The following MAST4 variants were observed in gnomAD, a reference collection of about 807,000 sequenced individuals.
MAST4 encodes microtubule-associated serine/threonine-protein kinase 4.
In MAST4, 89 loss-of-function variants were observed where a neutral mutation model predicts 162.7. That is an observed-to-expected ratio of 0.55 (90% CI 0.46 to 0.65). The LOEUF is 0.65. Ranked by LOEUF, MAST4 falls within the 30% of genes least tolerant of loss-of-function variation. The probability of loss-of-function intolerance (pLI) is 0.00; values close to 1 mark genes in which losing one functional copy is unlikely to be tolerated. For missense variants in MAST4, 3,153 were observed against 3,374.0 expected (o/e 0.93, Z 1.62); for synonymous variants, 1,479 against 1,361.1 (o/e 1.09, Z -1.91).
chr5:66,847,875 T>G lies in MAST4; in HGVS notation c.643-52076T>G, dbSNP rs115673281. 2.7e-3 allele frequency among the ~76,000 whole-genome samples: 366 copies of G among 136,468 alleles called. 4 individuals are homozygous for G. Among genetic ancestry groups the G allele is most frequent in the African/African-American group, 9.7e-3 (350 of 36,044 alleles). 89.5% of individuals were successfully genotyped at this position (136,468 alleles called of 152,430 possible). On this transcript the variant is annotated intron_variant, in intron 3 of 28. Transcript: ENST00000403625. ...CCTTAACAGTAGCTCAAAGCTACAC[T>G]GGGTGTATGAAGAAAGATTGTTTTA...
chr5:66,975,892 G>A (rs1416805619), intron 4 of MAST4, among the ~76,000 whole-genome samples: 2 of 152,090 alleles, frequency 1.3e-5, no homozygotes, highest in Non-Finnish European at 2.9e-5. Flanking sequence ...CTACTCAGGA[G>A]ACTGAGGCAT....
chr5:67,009,379 C>T (rs751881982), intron 4 of MAST4, among the ~76,000 whole-genome samples: 4 of 152,166 alleles, frequency 2.6e-5, no homozygotes, highest in Non-Finnish European at 5.9e-5. Context: ...GTTCCAGGAA[C>T]TAGACATGGC....
At chr5:67,129,420 G>C (rs1412275008) in intron 14 of MAST4, among the ~76,000 whole-genome samples, 1 of 152,068 alleles carries the variant, frequency 6.6e-6, no homozygotes, top group East Asian at 1.9e-4. Flanking sequence ...GTATCATTTA[G>C]AAAATTATTG....
intron 3 of MAST4, among the ~76,000 whole-genome samples, chr5:66,839,738 T>C (rs140874075): frequency 6.6e-6 from 1 of 152,274 alleles, no homozygotes; most frequent in South Asian, 2.1e-4. Flanking sequence ...ATGAGGTTGG[T>C]GTACTGTATT....
At chr5:66,717,882 C>T (rs999513561) in intron 1 of MAST4, among the ~76,000 whole-genome samples, 1 of 152,176 alleles carries the variant, frequency 6.6e-6, no homozygotes, top group South Asian at 2.1e-4. Context: ...TTAGGCATAG[C>T]CCTGCTCACT....
At chr5:67,031,440 C>A (rs535802382) in intron 4 of MAST4, among the ~76,000 whole-genome samples, 2 of 151,364 alleles carry the variant, frequency 1.3e-5, no homozygotes, top group South Asian at 4.3e-4. Flanking sequence ...TTGGCTGGGC[C>A]CTGTTATCAT....
At chr5:66,910,851 G>C (rs988921973) in intron 4 of MAST4, among the ~76,000 whole-genome samples, 1 of 149,204 alleles carries the variant, frequency 6.7e-6, no homozygotes, top group African/African-American at 2.5e-5. Context: ...CCCTTCAGGC[G>C]ATTCTCCTGC....
intron 3 of MAST4, among the ~76,000 whole-genome samples, chr5:66,862,439 C>T (rs911702224): frequency 1.3e-5 from 2 of 152,146 alleles, no homozygotes; most frequent in African/African-American, 4.8e-5. Flanking sequence ...TCAGTAATTA[C>T]AGCCATAAAC....
chr5:66,616,535 C>G (rs546489569), intron 1 of MAST4, among the ~76,000 whole-genome samples: 2 of 152,282 alleles, frequency 1.3e-5, no homozygotes, highest in African/African-American at 4.8e-5. Flanking sequence ...AGGGCCTTCT[C>G]AGAGTGCTGG....
chr5:66,749,301 A>T (rs920756461), intron 1 of MAST4, among the ~76,000 whole-genome samples: 7 of 152,090 alleles, frequency 4.6e-5, no homozygotes, highest in Non-Finnish European at 8.8e-5. Context: ...GTTCCTGGCA[A>T]TTCCCACTGG....
Position 66,784,244 on chromosome 5 carries a change from T to C in MAST4, c.518-4426T>C, listed in dbSNP as rs569233232. Among the ~76,000 whole-genome samples, 12 of 152,276 alleles carry C rather than the reference T, an allele frequency of 7.9e-5. 1 individual carries two copies. Among genetic ancestry groups the C allele is most frequent in the African/African-American group, 2.9e-4 (12 of 41,554 alleles). ...TGAGGGAATGTGCTCCTGGCCAGTT[T>C]GCCATGCAAGAATACAAAACACATT... On this transcript the variant is annotated intron_variant, in intron 2 of 28. Transcript: ENST00000403625.
intron 23 of MAST4, among the ~76,000 whole-genome samples, chr5:67,147,148 A>T (rs1771198524): frequency 6.6e-6 from 1 of 152,088 alleles, no homozygotes. Flanking sequence ...TGATTAATAG[A>T]TTCACACCAT....
intron 2 of MAST4, among the ~76,000 whole-genome samples, chr5:66,777,316 A>G (rs1035045508): frequency 1.3e-5 from 2 of 152,166 alleles, no homozygotes; most frequent in African/African-American, 4.8e-5. Context: ...TTAACAGTGA[A>G]AAGTAGAGTG....
rs1053578597 is a variant in MAST4 at position 66,717,218 on chromosome 5, G to A, written c.364-42491G>A. Among the ~76,000 whole-genome samples the A allele has an allele frequency of 9.2e-5, 14 of 152,178 alleles. No homozygotes were observed. The East Asian group carries it at 2.7e-3, about 29-fold the overall frequency. On this transcript the variant is annotated intron_variant, in intron 1 of 28. Coordinates refer to ENST00000403625, the MANE Select transcript of MAST4 (RefSeq NM_001164664.2). ...CTACCCTATACTCTGTGGCTTGGAG[G>A]TGGAGAGGAGGGATTCATTCCTGGC...
chr5:66,986,295 A>G (rs1749485502), intron 4 of MAST4: 3 of 483,830 alleles, frequency 6.2e-6, no homozygotes, highest in Non-Finnish European at 1.1e-5. Flanking sequence ...AGAGTCTGGA[A>G]AGGGAAACTG....
intron 1 of MAST4, among the ~76,000 whole-genome samples, chr5:66,619,111 T>C (rs984460242): frequency 6.6e-6 from 1 of 152,190 alleles, no homozygotes; most frequent in Non-Finnish European, 1.5e-5. Flanking sequence ...TTTTTGGTCA[T>C]TTGTTAGTGC....
At position 67,123,681 on chromosome 5, in the gene MAST4, C is replaced by T. The variant is rs1275100652; in HGVS notation, c.1745+2579C>T. 7.9e-5 allele frequency among the ~76,000 whole-genome samples: 12 copies of T among 152,278 alleles called. No individual in the cohort carries two copies. The East Asian group carries it at 1.5e-3, about 20-fold the overall frequency. The stretch of plus-strand genomic sequence containing the variant: ...TCCTACCTCTTCCAGTGAACACTTC[C>T]ACCAGGATCTTTAAGTCATAACTTC... On this transcript the variant is annotated intron_variant, in intron 14 of 28. Transcript: ENST00000403625.
At chr5:67,136,495 G>A (rs1473322255) in intron 18 of MAST4, 68 bp from the exon 19 acceptor site, 1 of 1,168,472 alleles carries the variant, frequency 8.6e-7, no homozygotes, top group Admixed American at 2.0e-5. Flanking sequence ...CCCAGGTGAT[G>A]TCCATGTTGC....
chr5:66,859,811 A>T (rs941152952), intron 3 of MAST4, among the ~76,000 whole-genome samples: 2 of 152,200 alleles, frequency 1.3e-5, no homozygotes, highest in African/African-American at 4.8e-5. Flanking sequence ...GGCAGAAGAG[A>T]GTGCCGTGCT....
Sources: allele counts gnomAD v4.1 joint callset (sites outside exome capture counted in the v4.1 genomes callset), GRCh38; gene constraint gnomAD v4.1.1; transcripts MANE v1.5; gene names NCBI Gene and HGNC (gene_info 2026-07-23, HGNC 2026-07-21).